Variants in DNAH14 observed in about 807,000 individuals in gnomAD.
The protein encoded by DNAH14 is axonemal beta dynein heavy chain 14.
DNAH14 carries 478 observed loss-of-function variants against 520.9 expected under a neutral mutation model. That is an observed-to-expected ratio of 0.92 (90% CI 0.85 to 0.99). The LOEUF is 0.99. Ranked by LOEUF, DNAH14 falls within the 50% of genes least tolerant of loss-of-function variation. DNAH14 has a pLI of 0.00. For synonymous variants in DNAH14, 1,581 were observed against 1,757.2 expected (o/e 0.90, Z 2.51); for missense variants, 4,831 against 5,234.5 (o/e 0.92, Z 2.38).
At chr1:225,056,279 A>C (rs1245944675) in intron 17 of DNAH14, among the ~76,000 whole-genome samples, 2 of 152,214 alleles carry the variant, frequency 1.3e-5, no homozygotes, top group African/African-American at 4.8e-5. Flanking sequence ...CATTTCTCTG[A>C]AGGCCAGTGA....
At position 225,168,925 on chromosome 1, in the gene DNAH14, A is replaced by G. The variant is rs548809994; in HGVS notation, c.5535+897A>G. 9.9e-5 allele frequency among the ~76,000 whole-genome samples: 15 copies of G among 152,244 alleles called. No individual in the cohort carries two copies. In the South Asian group the frequency reaches 2.7e-3, roughly 27 times the overall value. ...TAGTAGGGGCAGACTGACACCTCACACGGCCGGGTACTCCTCTGAGAAAAA... is the reference window on the plus strand; with the variant it reads ...TAGTAGGGGCAGACTGACACCTCACGCGGCCGGGTACTCCTCTGAGAAAAA... On this transcript the variant is annotated intron_variant, in intron 36 of 85. Coordinates refer to ENST00000682510, the MANE Select transcript of DNAH14 (RefSeq NM_001367479.1).
intron 17 of DNAH14, among the ~76,000 whole-genome samples, chr1:225,059,342 T>A (rs996183978): frequency 1.3e-5 from 2 of 152,226 alleles, no homozygotes; most frequent in African/African-American, 2.4e-5. Context: ...GATACTAGGA[T>A]TGCAACTCCT....
intron 38 of DNAH14, among the ~76,000 whole-genome samples, chr1:225,194,813 T>C (rs557321895): frequency 1.3e-5 from 2 of 151,960 alleles, no homozygotes; most frequent in African/African-American, 4.8e-5. Flanking sequence ...CTTAAACAAA[T>C]TGGCAAGAAA....
chr1:225,046,379 G>T (rs1358552832), intron 15 of DNAH14, among the ~76,000 whole-genome samples: 2 of 151,986 alleles, frequency 1.3e-5, no homozygotes, highest in Non-Finnish European at 2.9e-5. Context: ...ACTTCCCAAT[G>T]ATCATATTAT....
At chr1:225,282,586 G>A (rs887364224) in intron 54 of DNAH14, among the ~76,000 whole-genome samples, 2 of 152,196 alleles carry the variant, frequency 1.3e-5, no homozygotes, top group African/African-American at 4.8e-5. Context: ...AATACAGGGT[G>A]CATGATCAGG....
chr1:225,107,822 G>A (rs1460593668), intron 23 of DNAH14, among the ~76,000 whole-genome samples: 1 of 151,988 alleles, frequency 6.6e-6, no homozygotes, highest in Non-Finnish European at 1.5e-5. Flanking sequence ...CTGTCTTTTG[G>A]AAAAAAGCCA....
intron 17 of DNAH14, among the ~76,000 whole-genome samples, chr1:225,054,697 A>G (rs568630077): frequency 6.6e-6 from 1 of 152,236 alleles, no homozygotes; most frequent in South Asian, 2.1e-4. Context: ...CTGTTAAATC[A>G]TCTTCACAAA....
chr1:224,933,869 A>ATTGACC (rs1558436083), intron 1 of DNAH14, among the ~76,000 whole-genome samples: 1 of 152,128 alleles, frequency 6.6e-6, no homozygotes, highest in Admixed American at 6.5e-5. Context: ...CATGAGGGAT[A>ATTGACC]TTGACCTGTT....
chr1:225,389,904 C>A, intron 83 of DNAH14, 31 bp downstream of exon 83: 1 of 1,547,928 alleles, frequency 6.5e-7, no homozygotes, highest in Non-Finnish European at 8.7e-7. Context: ...CAGCTCCAGA[C>A]CTGGCCCAGG....
intron 40 of DNAH14, 42 bp downstream of exon 40, chr1:225,206,221 TG>T: frequency 6.8e-7 from 1 of 1,468,768 alleles, no homozygotes; most frequent in South Asian, 1.3e-5. Flanking sequence ...GCAAAAATGT[TG>T]TTTATGATAG....
intron 8 of DNAH14, among the ~76,000 whole-genome samples, chr1:224,984,526 A>G (rs1314896616): frequency 1.3e-5 from 2 of 152,208 alleles, no homozygotes. Flanking sequence ...TGCAATAAAA[A>G]CAAAGATAAA....
chr1:225,317,033 G>C (rs1424921657), intron 60 of DNAH14, among the ~76,000 whole-genome samples: 1 of 152,046 alleles, frequency 6.6e-6, no homozygotes, highest in South Asian at 2.1e-4. Flanking sequence ...TATTACATTT[G>C]GTATAAGCAG....
Position 225,367,879 on chromosome 1 carries a change from AAC to A in DNAH14, c.12167_12168del (p.Thr4056ArgfsTer5). 6.4e-7 allele frequency: 1 copy of A among 1,551,650 alleles called. No individual in the cohort carries two copies. Among genetic ancestry groups the A allele is most frequent in the Non-Finnish European group, 8.7e-7 (1 of 1,146,924 alleles). ...TFGCTGSGEV[T>X]EEIFENPDCG... Reference sequence around the variant, plus strand: ...TTGGATGTACTGGGAGTGGAGAGGTAACAGAAGAGATATTTGAAAATCCTGAC... The same window carrying A: ...TTGGATGTACTGGGAGTGGAGAGGTAAGAAGAGATATTTGAAAATCCTGAC... On this transcript the variant is annotated frameshift_variant, in exon 77 of 86. Coordinates refer to ENST00000682510, the MANE Select transcript of DNAH14 (RefSeq NM_001367479.1). LOFTEE classifies it high-confidence loss of function.
intron 36 of DNAH14, among the ~76,000 whole-genome samples, chr1:225,179,573 A>G (rs1318118780): frequency 6.6e-6 from 1 of 152,214 alleles, no homozygotes; most frequent in Non-Finnish European, 1.5e-5. Flanking sequence ...TCTATCTCAC[A>G]ACAAATTGTT....
At position 225,206,184 on chromosome 1, in the gene DNAH14, G is replaced by C; in HGVS notation, c.6186+5G>C. ...CGATGTGCCATGGTCTATATGGTAA[G>C]CTTTCAAAAACAAATGTTTTAACAA... On this transcript the variant is annotated splice_donor_5th_base_variant and intron_variant, in intron 40 of 85. Coordinates refer to ENST00000682510, the MANE Select transcript of DNAH14 (RefSeq NM_001367479.1). The C allele has an allele frequency of 6.5e-7, 1 of 1,531,102 alleles. No individual in the cohort carries two copies. Among genetic ancestry groups the C allele is most frequent in the Non-Finnish European group, 8.8e-7 (1 of 1,134,010 alleles). The allele number at this position is 1,531,102 out of a possible 1,614,324, so 94.8% of individuals were successfully genotyped here.
chr1:225,207,394 T>TCA, intron 41 of DNAH14, among the ~76,000 whole-genome samples, 174 bp downstream of exon 41: 1 of 152,208 alleles, frequency 6.6e-6, no homozygotes, highest in Non-Finnish European at 1.5e-5. Context: ...GAGGAACATA[T>TCA]CAAAAGTAAA....
At chr1:225,132,365 G>A (rs1258286585) in intron 27 of DNAH14, among the ~76,000 whole-genome samples, 1 of 151,400 alleles carries the variant, frequency 6.6e-6, no homozygotes, top group African/African-American at 2.4e-5. Context: ...CCCTCCCTCT[G>A]CCCCCACAAC....
At chr1:225,167,236 C>G (rs1480163342) in intron 35 of DNAH14, among the ~76,000 whole-genome samples, 4 of 152,142 alleles carry the variant, frequency 2.6e-5, no homozygotes, top group Non-Finnish European at 5.9e-5. Context: ...CTGCTTTGTT[C>G]TGTCTCAATG....
At chr1:225,174,807 G>A (rs12563286) in intron 36 of DNAH14, among the ~76,000 whole-genome samples, 7,637 of 152,158 alleles carry the variant, frequency 0.05, 457 homozygotes, top group East Asian at 0.23. Context: ...TTAGCTGTGG[G>A]TTTGTCGTAT....
Sources: allele counts gnomAD v4.1 joint callset (sites outside exome capture counted in the v4.1 genomes callset), GRCh38; gene constraint gnomAD v4.1.1; transcripts MANE v1.5; gene names NCBI Gene and HGNC (gene_info 2026-07-23, HGNC 2026-07-21).